Variants in BTG4 observed in about 807,000 individuals in gnomAD.
BTG4 encodes protein BTG4.
Under a neutral mutation model 19.3 loss-of-function variants are expected in BTG4, and 10 were observed. The observed-to-expected ratio is 0.52, with a 90% CI of 0.32 to 0.88. The LOEUF is 0.88. Among genes scored for constraint, BTG4 ranks in the 40% least tolerant of loss-of-function variants. The pLI, the probability that BTG4 is intolerant of heterozygous loss-of-function variation, is 0.04. For missense variants in BTG4, 238 were observed against 281.9 expected, an observed-to-expected ratio of 0.84 and a Z score of 1.11; for synonymous variants, 91 against 95.7, an observed-to-expected ratio of 0.95 and a Z score of 0.29.
At chr11:111,483,918 C>CAT (rs1864892563) in intron 5 of BTG4, among the ~76,000 whole-genome samples, 1 of 152,076 alleles carries the variant, frequency 6.6e-6, no homozygotes, top group Non-Finnish European at 1.5e-5. Context: ...AAGACTATCT[C>CAT]AAGGTATACA....
At chr11:111,481,980 C>CA (rs201864549) in intron 5 of BTG4, among the ~76,000 whole-genome samples, 16 of 150,134 alleles carry the variant, frequency 1.1e-4, no homozygotes, top group South Asian at 4.2e-4. Context: ...ATGAAAAGCA[C>CA]AAAAAAAAGA....
chr11:111,509,192 T>G (rs534170124), intron 1 of BTG4, among the ~76,000 whole-genome samples: 4,488 of 152,288 alleles, frequency 0.029, 99 homozygotes, highest in Middle Eastern at 0.079. Flanking sequence ...GCAGTTCATT[T>G]TAGCTCAAAA....
the BTG4 span, among the ~76,000 whole-genome samples, chr11:111,432,297 CCAAA>C: frequency 1.3e-5 from 2 of 152,026 alleles, no homozygotes; most frequent in South Asian, 4.2e-4. Context: ...GCTATGGGTA[CCAAA>C]CAAACACACA....
chr11:111,436,059 T>C, the BTG4 span, among the ~76,000 whole-genome samples: 1 of 152,206 alleles, frequency 6.6e-6, no homozygotes, highest in Non-Finnish European at 1.5e-5. Context: ...TTGAAAGATA[T>C]TATTTCCATT....
At chr11:111,458,970 G>A in the BTG4 span, among the ~76,000 whole-genome samples, 10 of 152,124 alleles carry the variant, frequency 6.6e-5, no homozygotes, top group East Asian at 3.9e-4. Context: ...GGCCGGGCAC[G>A]GTGGCTCACG....
chr11:111,497,987 A>G lies in BTG4; in HGVS notation c.311+11T>C. 6.2e-7 allele frequency: 1 copy of G among 1,612,924 alleles called. No individual in the cohort carries two copies. The highest frequency in any genetic ancestry group is 8.5e-7 in the Non-Finnish European group (1 of 1,179,176). ...GGTATCACACAGCACACAAACTATG[A>G]GATTACTCACCTACAGCATACTTCA... On this transcript the variant is annotated intron_variant, in intron 3 of 4. Transcript: ENST00000692032.
the BTG4 span, among the ~76,000 whole-genome samples, chr11:111,411,457 C>A: frequency 6.6e-6 from 1 of 152,228 alleles, no homozygotes; most frequent in Non-Finnish European, 1.5e-5. Flanking sequence ...CTTACCAAGG[C>A]AGCCTTCCCT....
chr11:111,450,813 C>G, the BTG4 span: 2 of 153,332 alleles, frequency 1.3e-5, no homozygotes, highest in Admixed American at 6.5e-5. Context: ...TAGGCCTTCC[C>G]CTCGGGGATC....
the BTG4 span, among the ~76,000 whole-genome samples, chr11:111,412,450 C>A: frequency 1.3e-5 from 2 of 152,196 alleles, no homozygotes; most frequent in Non-Finnish European, 2.9e-5. Flanking sequence ...ACAATAATTT[C>A]ATGGTGTATT....
chr11:111,481,124 G>A (rs1279434568), intron 5 of BTG4, among the ~76,000 whole-genome samples: 1 of 151,840 alleles, frequency 6.6e-6, no homozygotes, highest in Non-Finnish European at 1.5e-5. Flanking sequence ...CTGCAGACCT[G>A]CAGACACCAA....
At chr11:111,428,731 G>A in the BTG4 span, among the ~76,000 whole-genome samples, 1 of 152,146 alleles carries the variant, frequency 6.6e-6, no homozygotes, top group East Asian at 1.9e-4. Flanking sequence ...AAGTGGGGGT[G>A]CAGGCATTCA....
the BTG4 span, among the ~76,000 whole-genome samples, chr11:111,421,314 T>A: frequency 6.6e-6 from 1 of 152,200 alleles, no homozygotes; most frequent in African/African-American, 2.4e-5. Flanking sequence ...CCCCTTTACC[T>A]AATGTTGCCT....
chr11:111,451,249 G>A, the BTG4 span: 4 of 328,104 alleles, frequency 1.2e-5, no homozygotes, highest in South Asian at 2.3e-5. Flanking sequence ...CTCCTCAGGG[G>A]CCACTTCTAT....
the BTG4 span, among the ~76,000 whole-genome samples, chr11:111,436,028 A>C: frequency 6.6e-6 from 1 of 152,206 alleles, no homozygotes; most frequent in African/African-American, 2.4e-5. Flanking sequence ...TAACCACCAG[A>C]TATATTTTTG....
chr11:111,446,646 C>CACACAT, the BTG4 span, among the ~76,000 whole-genome samples: 3 of 152,004 alleles, frequency 2.0e-5, no homozygotes, highest in Non-Finnish European at 4.4e-5. Context: ...CACACACACA[C>CACACAT]ACACACACAT....
chr11:111,443,876 G>A, the BTG4 span, among the ~76,000 whole-genome samples: 44 of 152,220 alleles, frequency 2.9e-4, no homozygotes, highest in Non-Finnish European at 5.1e-4. Context: ...CCTCCAGCTC[G>A]AGGACGCTTA....
chr11:111,513,324 G>A, upstream of BTG4: 2 of 503,404 alleles, frequency 4.0e-6, no homozygotes, highest in Admixed American at 2.1e-5. Flanking sequence ...ATTTGCCATC[G>A]TCTAGTAGAG....
the BTG4 span, among the ~76,000 whole-genome samples, chr11:111,441,179 G>A: frequency 6.6e-6 from 1 of 151,196 alleles, no homozygotes; most frequent in Non-Finnish European, 1.5e-5. Flanking sequence ...CATACAAAAA[G>A]GAATGAAGAA....
At chr11:111,455,519 G>A in the BTG4 span, 2 of 242,298 alleles carry the variant, frequency 8.3e-6, no homozygotes, top group Non-Finnish European at 1.7e-5. Context: ...AGGAGCAGTG[G>A]GCCTCTTTCT....
Sources: allele counts gnomAD v4.1 joint callset (sites outside exome capture counted in the v4.1 genomes callset), GRCh38; gene constraint gnomAD v4.1.1; transcripts MANE v1.5; gene names NCBI Gene and HGNC (gene_info 2026-07-23, HGNC 2026-07-21).